FBXL5: variants seen among roughly 807,000 people sequenced by gnomAD.
FBXL5 encodes the protein F-box and leucine rich repeat protein 5.
Under a neutral mutation model 78.3 loss-of-function variants are expected in FBXL5, and 26 were observed. The observed-to-expected ratio is 0.33, with a 90% CI of 0.24 to 0.46. The LOEUF (loss-of-function observed/expected upper bound fraction) is 0.46, where lower values mean the gene tolerates loss of function less well. Among genes scored for constraint, FBXL5 ranks in the 20% least tolerant of loss-of-function variants. The probability of loss-of-function intolerance (pLI) is 1.00; values close to 1 mark genes in which losing one functional copy is unlikely to be tolerated. For synonymous variants in FBXL5, 295 were observed against 282.5 expected (o/e 1.04, Z -0.45); for missense variants, 710 against 829.2 (o/e 0.86, Z 1.77).
In FBXL5 at chr4:15,635,407, CAT is replaced by C. The variant is rs531886609; in HGVS notation, c.766+1085_766+1086del. Among the ~76,000 whole-genome samples, 66 of 151,124 alleles carry C rather than the reference CAT, an allele frequency of 4.4e-4. 1 individual carries two copies. The highest frequency in any genetic ancestry group is 6.9e-3 in the Middle Eastern group (2 of 290). ...AATCAGACTCATGATTTAAATCAGA[CAT>C]AAAGTCATAAACAGAAAACAATTTT... is the stretch of plus-strand genomic sequence containing the variant. On this transcript the variant is annotated intron_variant, in intron 5 of 10. Coordinates refer to ENST00000341285, the MANE Select transcript of FBXL5 (RefSeq NM_012161.4).
intron 8 of FBXL5, 38 bp downstream of exon 8, chr4:15,626,835 A>T: frequency 7.3e-7 from 1 of 1,373,520 alleles, no homozygotes; most frequent in Non-Finnish European, 1.0e-6. Context: ...CTTATAAAAT[A>T]GTTTTTCATT....
rs779796352 is a variant in FBXL5, at chr4:15,635,330, C to CA, written c.766+1163dup. 4.9e-3 allele frequency among the ~76,000 whole-genome samples: 491 copies of CA among 100,764 alleles called. 2 individuals carry two copies. The highest frequency in any genetic ancestry group is 8.2e-3 in the African/African-American group (220 of 26,682). The allele number at this position is 100,764 out of a possible 152,430, so 66.1% of individuals were successfully genotyped here. On this transcript the variant is annotated intron_variant, in intron 5 of 10. Coordinates refer to ENST00000341285, the MANE Select transcript of FBXL5 (RefSeq NM_012161.4). Reference sequence around the variant, plus strand: ...CCTAGGTGAGAGTAAAACCCCATCTCAAAAAAAAAAAAAAGTGCTATACAT... The same window carrying CA: ...CCTAGGTGAGAGTAAAACCCCATCTCAAAAAAAAAAAAAAAGTGCTATACAT...
At chr4:15,632,892 T>A (rs1713828000) in intron 5 of FBXL5, among the ~76,000 whole-genome samples, 1 of 152,158 alleles carries the variant, frequency 6.6e-6, no homozygotes, top group African/African-American at 2.4e-5. Context: ...TTGAATACCC[T>A]TTATTTCTTT....
intron 6 of FBXL5, 110 bp from the exon 7 acceptor site, chr4:15,628,143 T>G: frequency 2.8e-6 from 3 of 1,080,982 alleles, no homozygotes; most frequent in South Asian, 3.2e-5. Context: ...TCCTTATACT[T>G]TCTTATGTAA....
intron 6 of FBXL5, among the ~76,000 whole-genome samples, chr4:15,628,805 G>A (rs73241109): frequency 0.093 from 13,535 of 145,258 alleles, 752 homozygotes; most frequent in Non-Finnish European, 0.13. Context: ...ACACACACAC[G>A]AAGATAAAAT....
At chr4:15,664,516 A>T (rs1444596318), upstream of FBXL5, among the ~76,000 whole-genome samples, 1 of 149,082 alleles carries the variant, frequency 6.7e-6, no homozygotes, top group Non-Finnish European at 1.5e-5. Flanking sequence ...TGACATAAAC[A>T]TATCTTTTTC....
chr4:15,636,135 TTAC>T (rs1454954434), intron 5 of FBXL5, among the ~76,000 whole-genome samples: 1 of 152,116 alleles, frequency 6.6e-6, no homozygotes, highest in Non-Finnish European at 1.5e-5. Flanking sequence ...TTTTGAAAGC[TTAC>T]TAATTGAATT....
chr4:15,614,228 G>A (rs1711549599), intron 9 of FBXL5, among the ~76,000 whole-genome samples: 1 of 152,226 alleles, frequency 6.6e-6, no homozygotes, highest in Non-Finnish European at 1.5e-5. Context: ...CCACCCAGCA[G>A]AGCTACTGGA....
At chr4:15,668,457 TTTTA>T (rs1717635757) in intron 1 of FBXL5, among the ~76,000 whole-genome samples, 2 of 125,572 alleles carry the variant, frequency 1.6e-5, no homozygotes, top group South Asian at 2.4e-4. Flanking sequence ...AATCACATTC[TTTTA>T]TTTTTTTTTG....
chr4:15,635,775 A>C lies in FBXL5; in HGVS notation c.766+719T>G, dbSNP rs1470497201. On this transcript the variant is annotated intron_variant, in intron 5 of 10. Coordinates refer to ENST00000341285, the MANE Select transcript of FBXL5 (RefSeq NM_012161.4). ...CCTCAAAAAAAGAAAAAAAAAAAAA[A>C]AAAACTCACCTAGCAGAAATTGTTT... 2.6e-5 allele frequency among the ~76,000 whole-genome samples: 4 copies of C among 151,822 alleles called. No individual in the cohort carries two copies. The East Asian group carries it at 7.7e-4, about 29-fold the overall frequency.
At chr4:15,628,545 T>C (rs1577446594) in intron 6 of FBXL5, among the ~76,000 whole-genome samples, 1 of 152,138 alleles carries the variant, frequency 6.6e-6, no homozygotes, top group African/African-American at 2.4e-5. Flanking sequence ...CTAAAAAGAA[T>C]GAATAATTGT....
At chr4:15,619,226 A>G (rs1712230757) in intron 9 of FBXL5, among the ~76,000 whole-genome samples, 1 of 152,236 alleles carries the variant, frequency 6.6e-6, no homozygotes, top group African/African-American at 2.4e-5. Context: ...CTATGAAACC[A>G]GTATTATCAA....
intron 5 of FBXL5, among the ~76,000 whole-genome samples, chr4:15,634,778 G>T (rs1423044211): frequency 6.6e-6 from 1 of 151,960 alleles, no homozygotes; most frequent in Non-Finnish European, 1.5e-5. Flanking sequence ...TGAGATTTAG[G>T]TGAATTTATG....
chr4:15,605,712 G>A lies in FBXL5; in HGVS notation c.*11C>T. ...AGCTAAATGAAGTAGACAAAGATCA[G>A]AAGTCAAGGGTCATTCGCCAGAGCG... On this transcript the variant is annotated 3_prime_UTR_variant, in exon 11 of 11. Coordinates refer to ENST00000341285, the MANE Select transcript of FBXL5 (RefSeq NM_012161.4). 1 of 1,612,284 alleles carries A rather than the reference G, an allele frequency of 6.2e-7. No homozygotes were observed. Among genetic ancestry groups the A allele is most frequent in the Non-Finnish European group, 8.5e-7 (1 of 1,178,762 alleles).
At chr4:15,632,343 AG>A (rs1713758901) in intron 5 of FBXL5, among the ~76,000 whole-genome samples, 1 of 152,184 alleles carries the variant, frequency 6.6e-6, no homozygotes, top group African/African-American at 2.4e-5. Context: ...GAGGTCAGGT[AG>A]CATGATGCCT....
rs141093830 is a variant in FBXL5, at chr4:15,652,760, T to C, written c.84+2444A>G. Among the ~76,000 whole-genome samples the C allele has an allele frequency of 2.9e-3, 439 of 152,288 alleles. 6 individuals carry two copies. The highest frequency in any genetic ancestry group is 0.01 in the African/African-American group (426 of 41,558). The stretch of plus-strand genomic sequence containing the variant: ...TACTTGAGAAGTTCAATATTGAAAA[T>C]AGTAACTGACTTCTTGATAATAACT... On this transcript the variant is annotated intron_variant, in intron 1 of 10. Transcript: ENST00000341285.
intron 9 of FBXL5, among the ~76,000 whole-genome samples, chr4:15,621,828 A>C (rs552482523): frequency 2.6e-5 from 4 of 152,284 alleles, no homozygotes; most frequent in African/African-American, 9.6e-5. Flanking sequence ...AACATTCTCC[A>C]GTCAATGCTC....
At position 15,655,348 on chromosome 4, in the gene FBXL5, G is replaced by T. The variant is rs934485192; in HGVS notation, c.-61C>A. 28 of 1,263,286 alleles carry T rather than the reference G, an allele frequency of 2.2e-5. No homozygotes were observed. Among genetic ancestry groups the T allele is most frequent in the Non-Finnish European group, 3.1e-6 (3 of 972,156 alleles). 78.3% of individuals were successfully genotyped at this position (1,263,286 alleles called of 1,614,324 possible). On this transcript the variant is annotated 5_prime_UTR_variant, in exon 1 of 11. Coordinates refer to ENST00000341285, the MANE Select transcript of FBXL5 (RefSeq NM_012161.4). The stretch of plus-strand genomic sequence containing the variant: ...CCGCCGCCTCTCCATAGACACCCTC[G>T]CCGCGGGGCAGAGGCGGCGCGCCCC...
At position 15,625,555 on chromosome 4, in the gene FBXL5, G is replaced by A. The variant is rs1254728759; in HGVS notation, c.1547C>T (p.Ser516Phe). The part of the protein sequence containing the change: ...VMETASNFSC[S>F]TSGCFSKDIV... ...GTCCTTACTAAAACAACCAGAGGTGGAACAACTAAAGTTGGATGCTGTTTC... is the reference window on the plus strand; with the variant it reads ...GTCCTTACTAAAACAACCAGAGGTGAAACAACTAAAGTTGGATGCTGTTTC... The change falls in exon 9 of 11, where the codon TCC becomes TTC. Residue 516 changes from serine to phenylalanine, a missense_variant. Ser to Phe is a radical substitution (Grantham distance 155). Transcript: ENST00000341285. 6.2e-7 allele frequency: 1 copy of A among 1,614,042 alleles called. No homozygotes were observed. Among genetic ancestry groups the A allele is most frequent in the African/African-American group, 1.3e-5 (1 of 74,942 alleles).
Sources: allele counts gnomAD v4.1 joint callset (sites outside exome capture counted in the v4.1 genomes callset), GRCh38; gene constraint gnomAD v4.1.1; transcripts MANE v1.5; gene names NCBI Gene and HGNC (gene_info 2026-07-23, HGNC 2026-07-21).